The following LHFPL3 variants were observed in gnomAD, a reference collection of about 807,000 sequenced individuals.
LHFPL3 encodes the protein LHFPL tetraspan subfamily member 3, also known as LHFPL tetraspan subfamily member 3 protein.
A neutral mutation model predicts 19.3 loss-of-function variants in LHFPL3; 5 were observed. The ratio of observed to expected loss-of-function variants is 0.26; its 90% confidence interval spans 0.14 to 0.54. LHFPL3 has a LOEUF of 0.54. Ranked by LOEUF, LHFPL3 falls within the 20% of genes least tolerant of loss-of-function variation. LHFPL3 has a pLI of 0.94. For missense variants in LHFPL3, 249 were observed against 307.4 expected, an observed-to-expected ratio of 0.81 and a Z score of 1.42; for synonymous variants, 133 against 126.2, an observed-to-expected ratio of 1.05 and a Z score of -0.36.
chr7:104,397,792 G>GAC (rs1201805855), intron 1 of LHFPL3, among the ~76,000 whole-genome samples: 1 of 152,178 alleles, frequency 6.6e-6, no homozygotes. Context: ...AAAAGAAGGT[G>GAC]ACAGCAGACT....
At chr7:104,615,182 C>T (rs1397848210) in intron 1 of LHFPL3, among the ~76,000 whole-genome samples, 1 of 152,130 alleles carries the variant, frequency 6.6e-6, no homozygotes, top group Non-Finnish European at 1.5e-5. Flanking sequence ...AATATGTTTT[C>T]TCTAATACGT....
chr7:104,877,782 C>T (rs913339268), intron 2 of LHFPL3, among the ~76,000 whole-genome samples: 22 of 151,346 alleles, frequency 1.5e-4, no homozygotes, highest in Admixed American at 5.9e-4. Context: ...TGTATATACC[C>T]AAGAGAAGTG....
chr7:104,525,672 T>C (rs1794174770), intron 1 of LHFPL3, among the ~76,000 whole-genome samples: 1 of 151,328 alleles, frequency 6.6e-6, no homozygotes, highest in African/African-American at 2.4e-5. Flanking sequence ...AGTGGTGTGA[T>C]CTTGGCTCAC....
intron 1 of LHFPL3, among the ~76,000 whole-genome samples, chr7:104,642,118 G>T (rs1791848596): frequency 7.0e-6 from 1 of 143,482 alleles, no homozygotes; most frequent in South Asian, 2.2e-4. Flanking sequence ...GCTCACTGCA[G>T]CCTCTGCCTC....
chr7:104,515,301 T>G (rs1377475510), intron 1 of LHFPL3, among the ~76,000 whole-genome samples: 2 of 152,202 alleles, frequency 1.3e-5, no homozygotes, highest in African/African-American at 2.4e-5. Flanking sequence ...GTCTCCTGGT[T>G]CCATGTTTAA....
At chr7:104,509,240 A>G (rs1015602265) in intron 1 of LHFPL3, among the ~76,000 whole-genome samples, 3 of 147,988 alleles carry the variant, frequency 2.0e-5, no homozygotes, top group Admixed American at 6.8e-5. Context: ...AAAACCAAAG[A>G]CAGTACAAAA....
At chr7:104,674,345 G>A (rs1327475295) in intron 1 of LHFPL3, among the ~76,000 whole-genome samples, 1 of 151,502 alleles carries the variant, frequency 6.6e-6, no homozygotes, top group Non-Finnish European at 1.5e-5. Flanking sequence ...AGTGGGAAAG[G>A]GACTTCCTGT....
At chr7:104,521,773 A>C (rs1391908044) in intron 1 of LHFPL3, among the ~76,000 whole-genome samples, 1 of 152,208 alleles carries the variant, frequency 6.6e-6, no homozygotes, top group Non-Finnish European at 1.5e-5. Flanking sequence ...GTAGCCAAAA[A>C]ACACATGAAA....
At chr7:104,349,163 A>G (rs1264840557) in intron 1 of LHFPL3, among the ~76,000 whole-genome samples, 3 of 152,244 alleles carry the variant, frequency 2.0e-5, no homozygotes, top group Admixed American at 6.5e-5. Context: ...AGAAGCTAAC[A>G]AAAAGACAAT....
At position 104,328,870 on chromosome 7, in the gene LHFPL3, C is replaced by A; in HGVS notation, c.91C>A (p.Arg31=). 2 of 1,614,176 alleles carry A rather than the reference C, an allele frequency of 1.2e-6. No homozygotes were observed. Among genetic ancestry groups the A allele is most frequent in the Non-Finnish European group, 1.7e-6 (2 of 1,180,034 alleles). Residue 31 remains arginine (R), a synonymous_variant, in exon 1 of 3, where the codon CGG becomes AGG. Transcript: ENST00000424859. This position sits in a 1 kb window ranked among gnomAD's most constrained non-coding sequence, Gnocchi z 4.6. ...AAKLYHTNYV[R]NSRAIGVLWA... is the part of the protein sequence containing the mutation. The stretch of plus-strand genomic sequence containing the variant: ...CAAGCTGTACCACACCAACTATGTG[C>A]GGAACTCGCGGGCCATCGGCGTGCT...
intron 2 of LHFPL3, among the ~76,000 whole-genome samples, chr7:104,849,730 C>G (rs954891226): frequency 1.3e-5 from 2 of 152,206 alleles, no homozygotes; most frequent in African/African-American, 4.8e-5. Context: ...GGAAACCCAG[C>G]AGGGCCTCTC....
chr7:104,472,234 T>C (rs1792924499), intron 1 of LHFPL3, among the ~76,000 whole-genome samples: 1 of 151,916 alleles, frequency 6.6e-6, no homozygotes, highest in African/African-American at 2.4e-5. Context: ...TTAGTCACTA[T>C]GAGCAAAACA....
chr7:104,569,896 A>G (rs1392100961), intron 1 of LHFPL3, among the ~76,000 whole-genome samples: 2 of 152,248 alleles, frequency 1.3e-5, no homozygotes, highest in African/African-American at 4.8e-5. Flanking sequence ...CCACTATGCC[A>G]TACTATCCTC....
intron 1 of LHFPL3, among the ~76,000 whole-genome samples, chr7:104,344,569 C>T (rs1274377392): frequency 6.6e-6 from 1 of 152,176 alleles, no homozygotes; most frequent in African/African-American, 2.4e-5. Context: ...CTAGCTTCAT[C>T]CAAGTTGCTG....
At chr7:104,580,921 C>T (rs753663412) in intron 1 of LHFPL3, among the ~76,000 whole-genome samples, 2 of 151,854 alleles carry the variant, frequency 1.3e-5, no homozygotes, top group Non-Finnish European at 2.9e-5. Context: ...ATTTTTAAAT[C>T]CATTCTCCTG....
chr7:104,365,330 G>A (rs1372628196), intron 1 of LHFPL3, among the ~76,000 whole-genome samples: 1 of 151,646 alleles, frequency 6.6e-6, no homozygotes, highest in East Asian at 1.9e-4. Context: ...AAATAAAAAA[G>A]GAGGTGGGAG....
At chr7:104,727,515 T>C (rs1793614055) in intron 1 of LHFPL3, among the ~76,000 whole-genome samples, 1 of 152,116 alleles carries the variant, frequency 6.6e-6, no homozygotes, top group South Asian at 2.1e-4. Flanking sequence ...AATCTCTTAA[T>C]TGAGATAATA....
intron 2 of LHFPL3, among the ~76,000 whole-genome samples, chr7:104,867,702 G>T (rs1791754357): frequency 6.6e-6 from 1 of 152,142 alleles, no homozygotes; most frequent in Non-Finnish European, 1.5e-5. Flanking sequence ...AACAGAAAAA[G>T]AGGGAATCCT....
At chr7:104,390,072 G>C (rs1291295050) in intron 1 of LHFPL3, among the ~76,000 whole-genome samples, 1 of 149,644 alleles carries the variant, frequency 6.7e-6, no homozygotes, top group African/African-American at 2.5e-5. Flanking sequence ...AAAATGAAAA[G>C]ACAACCCACA....
Sources: gnomAD v4.1 joint callset for allele counts (sites outside exome capture counted in the v4.1 genomes callset) on GRCh38, gnomAD v4.1.1 for gene constraint, Gnocchi (gnomAD v3.1) non-coding constraint, MANE v1.5 for transcripts, NCBI Gene and HGNC (gene_info 2026-07-23, HGNC 2026-07-21) for gene names.